EPN1: variants seen among roughly 807,000 people sequenced by gnomAD.
The protein encoded by EPN1 is epsin-1.
In EPN1, 25 loss-of-function variants were observed where a neutral mutation model predicts 56.9. The observed-to-expected ratio is 0.44, with a 90% CI of 0.32 to 0.61. The LOEUF is 0.61. Among genes scored for constraint, EPN1 ranks in the 20% least tolerant of loss-of-function variants. The probability of loss-of-function intolerance (pLI) is 0.05; values close to 1 mark genes in which losing one functional copy is unlikely to be tolerated. For synonymous variants in EPN1, 411 were observed against 361.8 expected, an observed-to-expected ratio of 1.14 and a Z score of -1.54; for missense variants, 785 against 823.7, an observed-to-expected ratio of 0.95 and a Z score of 0.58.
Position 55,699,157 on chromosome 19 carries a change from A to G in EPN1, c.*3801A>G, listed in dbSNP as rs1292530792. The G allele has an allele frequency of 6.6e-6, 1 of 152,150 alleles. No individual in the cohort carries two copies. Among genetic ancestry groups the G allele is most frequent in the African/African-American group, 2.4e-5 (1 of 41,422 alleles). The allele number at this position is 152,150 out of a possible 1,614,324, so 9.4% of individuals were successfully genotyped here. A position where few individuals can be genotyped will look rare whatever the true frequency, so the allele number is the denominator to read the frequency against. ...TGTGCCATGTTGGTGTGCTGCACGCATTAACTCGTCATTTACATTAGGTAT... is the reference window on the plus strand; with the variant it reads ...TGTGCCATGTTGGTGTGCTGCACGCGTTAACTCGTCATTTACATTAGGTAT... On this transcript the variant is annotated 3_prime_UTR_variant, in exon 11 of 11. Coordinates refer to ENST00000270460, the MANE Select transcript of EPN1 (RefSeq NM_001130072.2).
chr19:55,685,994 G>A (rs940291892), intron 3 of EPN1, among the ~76,000 whole-genome samples: 22 of 152,328 alleles, frequency 1.4e-4, no homozygotes, highest in Admixed American at 1.4e-3. Flanking sequence ...CGAGGGTGCT[G>A]TCCTTCTCTC....
rs1287042634 is a variant in EPN1, at chr19:55,699,466, A to G, written c.*4110A>G. On this transcript the variant is annotated 3_prime_UTR_variant, in exon 11 of 11. Coordinates refer to ENST00000270460, the MANE Select transcript of EPN1 (RefSeq NM_001130072.2). Reference sequence around the variant, plus strand: ...CAAGCGCCATCCTGCCAGGCCCTTCACTGTGGTGAGAAACCGGCCTACTCA... The same window carrying G: ...CAAGCGCCATCCTGCCAGGCCCTTCGCTGTGGTGAGAAACCGGCCTACTCA... 3 of 152,170 alleles carry G rather than the reference A, an allele frequency of 2.0e-5. No individual in the cohort carries two copies. Among genetic ancestry groups the G allele is most frequent in the African/African-American group, 7.2e-5 (3 of 41,424 alleles). The allele number at this position is 152,170 out of a possible 1,614,324, so 9.4% of individuals were successfully genotyped here.
chr19:55,702,253 G>C lies in EPN1; in HGVS notation c.*6897G>C, dbSNP rs187727691. ...TGGGATTGCAGGCGTGAGCCACCGC[G>C]CCGGGCCCCCACCCCATTCTTTGAT... On this transcript the variant is annotated 3_prime_UTR_variant, in exon 11 of 11. Transcript: ENST00000270460. 6.7e-6 allele frequency: 1 copy of C among 148,646 alleles called. No individual in the cohort carries two copies. The highest frequency in any genetic ancestry group is 2.1e-4 in the East Asian group (1 of 4,864). The allele number at this position is 148,646 out of a possible 1,614,324, so 9.2% of individuals were successfully genotyped here.
chr19:55,684,187 G>A (rs541147523), intron 2 of EPN1, among the ~76,000 whole-genome samples: 1 of 152,328 alleles, frequency 6.6e-6, no homozygotes, highest in South Asian at 2.1e-4. Context: ...CTGCCTCAGA[G>A]GGTGAGGAGA....
Position 55,701,440 on chromosome 19 carries a change from C to A in EPN1, c.*6084C>A, listed in dbSNP as rs959768127. On this transcript the variant is annotated 3_prime_UTR_variant, in exon 11 of 11. Coordinates refer to ENST00000270460, the MANE Select transcript of EPN1 (RefSeq NM_001130072.2). Reference sequence around the variant, plus strand: ...CTCCAGCCTGGGTGACAGAGTGAGACCCTGTCTCCAAAAAAAAAAAAAAAA... The same window carrying A: ...CTCCAGCCTGGGTGACAGAGTGAGAACCTGTCTCCAAAAAAAAAAAAAAAA... 3 of 148,842 alleles carry A rather than the reference C, an allele frequency of 2.0e-5. No individual in the cohort carries two copies. Among genetic ancestry groups the A allele is most frequent in the Non-Finnish European group, 4.4e-5 (3 of 67,558 alleles). The allele number at this position is 148,842 out of a possible 1,614,324, so 9.2% of individuals were successfully genotyped here.
In EPN1 at chr19:55,696,122, C is replaced by T. The variant is rs1986898126; in HGVS notation, c.*766C>T. ...CCTGAGAGATGGCACATGTGCAACA[C>T]AGGTCACCGTCGCCATCGCCCGGGC... On this transcript the variant is annotated 3_prime_UTR_variant, in exon 11 of 11. Transcript: ENST00000270460. 1 of 152,386 alleles carries T rather than the reference C, an allele frequency of 6.6e-6. No individual in the cohort carries two copies. The highest frequency in any genetic ancestry group is 2.4e-5 in the African/African-American group (1 of 41,396). The allele number at this position is 152,386 out of a possible 1,614,324, so 9.4% of individuals were successfully genotyped here. A position where few individuals can be genotyped will look rare whatever the true frequency, so the allele number is the denominator to read the frequency against.
At position 55,705,299 on chromosome 19, in the gene EPN1, C is replaced by G. The variant is rs1466621225; in HGVS notation, c.*9943C>G. 6.6e-6 allele frequency: 1 copy of G among 152,132 alleles called. No homozygotes were observed. Among genetic ancestry groups the G allele is most frequent in the Non-Finnish European group, 1.5e-5 (1 of 68,032 alleles). 9.4% of individuals were successfully genotyped at this position (152,132 alleles called of 1,614,324 possible). On this transcript the variant is annotated 3_prime_UTR_variant, in exon 11 of 11. Coordinates refer to ENST00000270460, the MANE Select transcript of EPN1 (RefSeq NM_001130072.2). ...CAACTTTTTTGCCTACGGAAACACA[C>G]AAAAACGAAAACAAACCAATGAAAA...
Position 55,709,285 on chromosome 19 carries a change from A to G in EPN1, c.*13929A>G, listed in dbSNP as rs1188546321. ...TCAATTAAGATTTAATTCAAAAAAGATGAATTTAAGTTAAAAAGAAAAACA... is the reference window on the plus strand; with the variant it reads ...TCAATTAAGATTTAATTCAAAAAAGGTGAATTTAAGTTAAAAAGAAAAACA... On this transcript the variant is annotated 3_prime_UTR_variant, in exon 11 of 11. Coordinates refer to ENST00000270460, the MANE Select transcript of EPN1 (RefSeq NM_001130072.2). 1 of 275,534 alleles carries G rather than the reference A, an allele frequency of 3.6e-6. No individual in the cohort carries two copies. The highest frequency in any genetic ancestry group is 6.7e-6 in the Non-Finnish European group (1 of 148,936). The allele number at this position is 275,534 out of a possible 1,614,324, so 17.1% of individuals were successfully genotyped here.
rs371208106 is a variant in EPN1 at position 55,706,116 on chromosome 19, T to G, written c.*10760T>G. ...TTTCCAGATTCTCTGCATGTGCAGGTTTATGAGACTGGAGAACTTTGATTT... is the reference window on the plus strand; with the variant it reads ...TTTCCAGATTCTCTGCATGTGCAGGGTTATGAGACTGGAGAACTTTGATTT... On this transcript the variant is annotated 3_prime_UTR_variant, in exon 11 of 11. Transcript: ENST00000270460. 1 of 240,406 alleles carries G rather than the reference T, an allele frequency of 4.2e-6. No individual in the cohort carries two copies. The highest frequency in any genetic ancestry group is 1.5e-4 in the East Asian group (1 of 6,684). 14.9% of individuals were successfully genotyped at this position (240,406 alleles called of 1,614,324 possible).
rs184789319 is a variant in EPN1 at position 55,706,567 on chromosome 19, G to C, written c.*11211G>C. 1.3e-5 allele frequency: 2 copies of C among 151,702 alleles called. No individual in the cohort carries two copies. The highest frequency in any genetic ancestry group is 4.8e-5 in the African/African-American group (2 of 41,250). The allele number at this position is 151,702 out of a possible 1,614,324, so 9.4% of individuals were successfully genotyped here. On this transcript the variant is annotated 3_prime_UTR_variant, in exon 11 of 11. Coordinates refer to ENST00000270460, the MANE Select transcript of EPN1 (RefSeq NM_001130072.2). ...CTCAGTAGGCTAAGGCGGGAGAATC[G>C]CTTGAACCCAGAGGCAGAGGCTGCA...
In EPN1 at chr19:55,704,425, T is replaced by C. The variant is rs187310579; in HGVS notation, c.*9069T>C. 5 of 152,306 alleles carry C rather than the reference T, an allele frequency of 3.3e-5. No homozygotes were observed. Among genetic ancestry groups the C allele is most frequent in the African/African-American group, 1.2e-4 (5 of 41,566 alleles). 9.4% of individuals were successfully genotyped at this position (152,306 alleles called of 1,614,324 possible). ...GTCCTAATCCAATCTGACTGTTATA[T>C]AGTGGGGTTGCACCTTCATGTGAGG... On this transcript the variant is annotated 3_prime_UTR_variant, in exon 11 of 11. Coordinates refer to ENST00000270460, the MANE Select transcript of EPN1 (RefSeq NM_001130072.2).
At position 55,704,710 on chromosome 19, in the gene EPN1, C is replaced by G. The variant is rs1313920756; in HGVS notation, c.*9354C>G. 6.6e-6 allele frequency: 1 copy of G among 152,570 alleles called. No individual in the cohort carries two copies. Among genetic ancestry groups the G allele is most frequent in the Non-Finnish European group, 1.5e-5 (1 of 68,284 alleles). The allele number at this position is 152,570 out of a possible 1,614,324, so 9.5% of individuals were successfully genotyped here. On this transcript the variant is annotated 3_prime_UTR_variant, in exon 11 of 11. Coordinates refer to ENST00000270460, the MANE Select transcript of EPN1 (RefSeq NM_001130072.2). ...GTATCGCAAAAGCTCACGCATGTGT[C>G]TCTCCCGAGTCCCTGGAGGGTCCTG...
At position 55,707,311 on chromosome 19, in the gene EPN1, C is replaced by T. The variant is rs900658531; in HGVS notation, c.*11955C>T. 4.6e-5 allele frequency: 7 copies of T among 152,202 alleles called. No homozygotes were observed. The highest frequency in any genetic ancestry group is 1.0e-4 in the Non-Finnish European group (7 of 68,058). The allele number at this position is 152,202 out of a possible 1,614,324, so 9.4% of individuals were successfully genotyped here. A position where few individuals can be genotyped will look rare whatever the true frequency, so the allele number is the denominator to read the frequency against. On this transcript the variant is annotated 3_prime_UTR_variant, in exon 11 of 11. Transcript: ENST00000270460. ...GAGCTATGATGGCACCACTGCCCTC[C>T]AGACTGAGCCAAAAAGCAGACCCTG...
rs781011372 is a variant in EPN1, at chr19:55,694,789, G to C, written c.1328G>C (p.Gly443Ala). The C allele has an allele frequency of 1.1e-5, 18 of 1,608,956 alleles. No homozygotes were observed. Among genetic ancestry groups the C allele is most frequent in the Non-Finnish European group, 1.5e-5 (18 of 1,176,982 alleles). Residue 443 changes from glycine (G) to alanine (A), a missense_variant, in exon 10 of 11, where the codon GGG becomes GCG. By Grantham distance (60) the Gly-to-Ala change is moderately conservative (BLOSUM62 0). This residue lies in a region of EPN1 where 650 missense variants were observed against 605.0 expected (regional missense o/e 1.07). Coordinates refer to ENST00000270460, the MANE Select transcript of EPN1 (RefSeq NM_001130072.2). This position sits in a 1 kb window ranked among gnomAD's most constrained non-coding sequence, Gnocchi z 4.2. ...AGCCCTGGGGCGTTTGACATGAGTG[G>C]GGTCAGGGGATCTCTGGCTGAGGCT... is the stretch of plus-strand genomic sequence containing the variant. ...ARSPGAFDMS[G>A]VRGSLAEAVG...
chr19:55,681,420 A>G (rs1292001024), intron 2 of EPN1, among the ~76,000 whole-genome samples: 1 of 152,214 alleles, frequency 6.6e-6, no homozygotes, highest in Non-Finnish European at 1.5e-5. Context: ...TGGGCCCTGC[A>G]CTGCCACCTC....
Position 55,695,320 on chromosome 19 carries a change from C to A in EPN1, c.1695C>A (p.Gly565=). The change falls in exon 11 of 11, where the codon GGC becomes GGA. Residue 565 remains glycine, a synonymous_variant. Coordinates refer to ENST00000270460, the MANE Select transcript of EPN1 (RefSeq NM_001130072.2). This position sits in a 1 kb window ranked among gnomAD's most constrained non-coding sequence, Gnocchi z 4.4. ...GPGLPPMMPP[G]PPAPNTNPFL... ...GCCTGCCCCCCATGATGCCCCCGGG[C>A]CCCCCGGCCCCCAACACTAATCCCT... 1.3e-6 allele frequency: 2 copies of A among 1,527,626 alleles called. No homozygotes were observed. The highest frequency in any genetic ancestry group is 1.2e-5 in the South Asian group (1 of 83,990). 94.6% of individuals were successfully genotyped at this position (1,527,626 alleles called of 1,614,324 possible).
chr19:55,690,581 T>C (rs1305633027), intron 6 of EPN1, among the ~76,000 whole-genome samples: 2 of 152,144 alleles, frequency 1.3e-5, no homozygotes, highest in South Asian at 4.1e-4. Context: ...CCCTCCAGCC[T>C]CCTCCCCTGG....
chr19:55,682,758 C>CTCAT (rs1555788657), intron 2 of EPN1, among the ~76,000 whole-genome samples: 5 of 151,134 alleles, frequency 3.3e-5, no homozygotes, highest in Non-Finnish European at 7.4e-5. Context: ...ATTATTGTTT[C>CTCAT]TTATTTATTT....
Position 55,689,004 on chromosome 19 carries a change from G to T in EPN1, c.603+10G>T, listed in dbSNP as rs767882305. 1.3e-6 allele frequency: 2 copies of T among 1,589,322 alleles called. No homozygotes were observed. The highest frequency in any genetic ancestry group is 1.7e-6 in the Non-Finnish European group (2 of 1,171,822). On this transcript the variant is annotated intron_variant, in intron 4 of 10. Coordinates refer to ENST00000270460, the MANE Select transcript of EPN1 (RefSeq NM_001130072.2). The surrounding 1 kb of genome is among the most constrained non-coding windows in gnomAD (Gnocchi z 5.7). ...GGAGGAGGCCGACCAGGTACTGGGC[G>T]TGCAGCTGGGGCTGTCTGTCCGCCA...
Sources: gnomAD v4.1 joint callset for allele counts (sites outside exome capture counted in the v4.1 genomes callset) on GRCh38, gnomAD v4.1.1 for gene constraint, gnomAD v4.1.1 regional missense constraint, Gnocchi (gnomAD v3.1) non-coding constraint, MANE v1.5 for transcripts, NCBI Gene and HGNC (gene_info 2026-07-23, HGNC 2026-07-21) for gene names.